The following RUBCN variants were observed in gnomAD, a reference collection of about 807,000 sequenced individuals.
RUBCN encodes the protein run domain Beclin-1-interacting and cysteine-rich domain-containing protein.
Under a neutral mutation model 113.2 loss-of-function variants are expected in RUBCN, and 74 were observed. That is an observed-to-expected ratio of 0.65 (90% CI 0.54 to 0.79). RUBCN has a LOEUF of 0.79. RUBCN is among the 30% of genes least tolerant of loss of function. RUBCN has a pLI of 0.00. For synonymous variants in RUBCN, 480 were observed against 490.0 expected, an observed-to-expected ratio of 0.98 and a Z score of 0.27; for missense variants, 1,109 against 1,251.7, an observed-to-expected ratio of 0.89 and a Z score of 1.72.
chr3:197,705,506 A>C (rs551472891), intron 2 of RUBCN, among the ~76,000 whole-genome samples: 8 of 149,564 alleles, frequency 5.3e-5, no homozygotes, highest in Non-Finnish European at 1.2e-4. Context: ...TCAAAGCTGC[A>C]GTGAGCCATG....
intron 2 of RUBCN, among the ~76,000 whole-genome samples, chr3:197,712,962 C>T (rs1052061305): frequency 4.6e-5 from 7 of 151,756 alleles, no homozygotes; most frequent in African/African-American, 1.5e-4. Flanking sequence ...CAGGTTCAAG[C>T]GATTCTCCTG....
At chr3:197,745,867 T>C (rs1484678716) in intron 1 of RUBCN, among the ~76,000 whole-genome samples, 3 of 151,978 alleles carry the variant, frequency 2.0e-5, no homozygotes, top group African/African-American at 7.3e-5. Context: ...TGAAATGCTG[T>C]CTCCACTAAA....
intron 2 of RUBCN, among the ~76,000 whole-genome samples, chr3:197,714,294 T>C (rs771597277): frequency 1.3e-4 from 20 of 152,206 alleles, no homozygotes; most frequent in Non-Finnish European, 2.6e-4. Context: ...TGATACAATG[T>C]TGCCTCCTCA....
At chr3:197,740,058 C>A (rs1728461059), upstream of RUBCN, among the ~76,000 whole-genome samples, 1 of 151,814 alleles carries the variant, frequency 6.6e-6, no homozygotes, top group Non-Finnish European at 1.5e-5. Context: ...AAAAGAAATC[C>A]AAAAACTAAA....
At chr3:197,680,400 C>G (rs929441705) in intron 16 of RUBCN, among the ~76,000 whole-genome samples, 6 of 151,402 alleles carry the variant, frequency 4.0e-5, no homozygotes, top group African/African-American at 1.5e-4. Flanking sequence ...TAACTGACAA[C>G]TGGCTTCAGA....
At chr3:197,677,450 C>A (rs758707449) in intron 17 of RUBCN, 30 bp downstream of exon 17, 1 of 1,597,066 alleles carries the variant, frequency 6.3e-7, no homozygotes, top group East Asian at 2.2e-5. Flanking sequence ...AGCAACGTGG[C>A]CAGAGGGCTC....
chr3:197,687,459 G>A (rs951752026), intron 11 of RUBCN, among the ~76,000 whole-genome samples: 6 of 152,148 alleles, frequency 3.9e-5, no homozygotes, highest in African/African-American at 1.2e-4. Context: ...CTGCAATAAC[G>A]GAGCTGGACA....
At chr3:197,734,178 A>AC (rs1450884848) in intron 1 of RUBCN, among the ~76,000 whole-genome samples, 18 of 150,884 alleles carry the variant, frequency 1.2e-4, no homozygotes, top group African/African-American at 3.9e-4. Context: ...AATTGTTTGA[A>AC]CCTGGGAGGC....
rs775672865 is a variant in RUBCN at position 197,701,110 on chromosome 3, G to A, written c.764C>T (p.Pro255Leu). The part of the protein sequence containing the change: ...RSTSFPLSGP[P>L]RKPQESRGHV... Reference sequence around the variant, plus strand: ...CCCTCTGCTTTCTTGAGGTTTCCGGGGAGGGCCAGAGAGTGGAAAGGAAGT... The same window carrying A: ...CCCTCTGCTTTCTTGAGGTTTCCGGAGAGGGCCAGAGAGTGGAAAGGAAGT... Residue 255 changes from proline to leucine, a missense_variant, in exon 7 of 20, where the codon CCC (proline) becomes CTC (leucine). Pro to Leu is a moderately conservative substitution (Grantham distance 98, BLOSUM62 -3). Transcript: ENST00000296343. The A allele has an allele frequency of 5.7e-6, 9 of 1,582,602 alleles. No homozygotes were observed. In the African/African-American group the frequency reaches 1.1e-4, roughly 19 times the overall value.
In RUBCN at chr3:197,695,317, C is replaced by T. The variant is rs192515725; in HGVS notation, c.1473+549G>A. On this transcript the variant is annotated intron_variant, in intron 9 of 19. Transcript: ENST00000296343. ...ATCCCAGCACTCTGGGAGGCCAAGCCAAGGAGTTCAAGACCCCAGACACAT... is the reference window on the plus strand; with the variant it reads ...ATCCCAGCACTCTGGGAGGCCAAGCTAAGGAGTTCAAGACCCCAGACACAT... Among the ~76,000 whole-genome samples the T allele has an allele frequency of 2.0e-5, 3 of 151,604 alleles. No homozygotes were observed. The East Asian group carries it at 5.9e-4, about 30-fold the overall frequency.
chr3:197,747,129 G>A (rs1378880803), intron 1 of RUBCN, among the ~76,000 whole-genome samples: 1 of 152,004 alleles, frequency 6.6e-6, no homozygotes, highest in Non-Finnish European at 1.5e-5. Flanking sequence ...TTTACTGTGT[G>A]TGTCTCGGGT....
chr3:197,720,186 C>T (rs371590348), intron 1 of RUBCN, among the ~76,000 whole-genome samples: 3 of 152,304 alleles, frequency 2.0e-5, no homozygotes, highest in Non-Finnish European at 2.9e-5. Flanking sequence ...CTCCTACCCT[C>T]CTCATCCTCT....
rs114188649 is a variant in RUBCN at position 197,699,421 on chromosome 3, G to A, written c.1261+1192C>T. On this transcript the variant is annotated intron_variant, in intron 7 of 19. Transcript: ENST00000296343. Reference sequence around the variant, plus strand: ...GACCCATATTTCCTCAGATCCTTCCGCACACATTTTCGCGGGCTCCCTTTT... The same window carrying A: ...GACCCATATTTCCTCAGATCCTTCCACACACATTTTCGCGGGCTCCCTTTT... Among the ~76,000 whole-genome samples the A allele has an allele frequency of 9.8e-3, 1,496 of 152,284 alleles. 15 individuals are homozygous for A. Among genetic ancestry groups the A allele is most frequent in the African/African-American group, 0.026 (1,088 of 41,556 alleles).
chr3:197,724,029 C>G lies in RUBCN; in HGVS notation c.66-5899G>C, dbSNP rs971962123. Among the ~76,000 whole-genome samples the G allele has an allele frequency of 2.6e-5, 4 of 152,052 alleles. 1 individual carries two copies. The highest frequency in any genetic ancestry group is 5.9e-5 in the Non-Finnish European group (4 of 68,026). On this transcript the variant is annotated intron_variant, in intron 1 of 19. Coordinates refer to ENST00000296343, the MANE Select transcript of RUBCN (RefSeq NM_014687.4). Reference sequence around the variant, plus strand: ...AGGAGAATTGCTTGAACCTGGGGGGCGGCCTAAGTGGCAAGGGAGAGTATA... The same window carrying G: ...AGGAGAATTGCTTGAACCTGGGGGGGGGCCTAAGTGGCAAGGGAGAGTATA...
At chr3:197,697,394 C>G (rs1452052859) in intron 7 of RUBCN, among the ~76,000 whole-genome samples, 1 of 152,214 alleles carries the variant, frequency 6.6e-6, no homozygotes, top group Non-Finnish European at 1.5e-5. Context: ...CTTGACAAAC[C>G]AATTTAGAAA....
At chr3:197,744,289 T>C (rs1366783506) in intron 1 of RUBCN, among the ~76,000 whole-genome samples, 1 of 152,132 alleles carries the variant, frequency 6.6e-6, no homozygotes, top group African/African-American at 2.4e-5. Context: ...TAATATACCA[T>C]GACCAAGTAG....
At position 197,682,458 on chromosome 3, in the gene RUBCN, C is replaced by G; in HGVS notation, c.2126+12G>C. The stretch of plus-strand genomic sequence containing the variant: ...ATCTGTGCTCCAAAGGGCACAGACA[C>G]TGGCCACTCACGTTGGGGCTGGATG... On this transcript the variant is annotated intron_variant, in intron 14 of 19. Transcript: ENST00000296343. The G allele has an allele frequency of 6.2e-7, 1 of 1,614,152 alleles. No individual in the cohort carries two copies. Among genetic ancestry groups the G allele is most frequent in the Non-Finnish European group, 8.5e-7 (1 of 1,180,016 alleles).
chr3:197,683,251 C>T lies in RUBCN; in HGVS notation c.1980+56G>A, dbSNP rs200644128. 1.4e-4 allele frequency: 228 copies of T among 1,611,734 alleles called. 1 individual carries two copies. The Middle Eastern group carries it at 1.6e-3, about 12-fold the overall frequency. On this transcript the variant is annotated intron_variant, in intron 13 of 19. Coordinates refer to ENST00000296343, the MANE Select transcript of RUBCN (RefSeq NM_014687.4). The surrounding 1 kb of genome is among the most constrained non-coding windows in gnomAD (Gnocchi z 4.6). ...ACTAGGGACATGTGACGAAGGAAAA[C>T]AAGGTCACAGAGGCTCACGATGGCC...
chr3:197,690,113 A>T lies in RUBCN; in HGVS notation c.1786+3602T>A, dbSNP rs1722262951. 2.0e-5 allele frequency among the ~76,000 whole-genome samples: 3 copies of T among 152,194 alleles called. No homozygotes were observed. The South Asian group carries it at 6.2e-4, about 32-fold the overall frequency. On this transcript the variant is annotated intron_variant, in intron 11 of 19. Coordinates refer to ENST00000296343, the MANE Select transcript of RUBCN (RefSeq NM_014687.4). ...GATCTAATCTTACACAATTATTTCA[A>T]ATTCTAATGCCCAACAATATTAAAA...
Sources: gnomAD v4.1 joint callset for allele counts (sites outside exome capture counted in the v4.1 genomes callset) on GRCh38, gnomAD v4.1.1 for gene constraint, Gnocchi (gnomAD v3.1) non-coding constraint, MANE v1.5 for transcripts, NCBI Gene and HGNC (gene_info 2026-07-23, HGNC 2026-07-21) for gene names.